The following STK32B variants were observed in gnomAD, a reference collection of about 807,000 sequenced individuals.
STK32B encodes serine/threonine-protein kinase 32B.
A neutral mutation model predicts 52.6 loss-of-function variants in STK32B; 43 were observed. That is an observed-to-expected ratio of 0.82 (90% confidence interval 0.64 to 1.05). The LOEUF (loss-of-function observed/expected upper bound fraction) is 1.05, where lower values mean the gene tolerates loss of function less well. Ranked by LOEUF, STK32B falls within the 50% of genes least tolerant of loss-of-function variation. STK32B has a pLI of 0.00. For missense variants in STK32B, 621 were observed against 534.6 expected (o/e 1.16, Z -1.59); for synonymous variants, 238 against 204.3 (o/e 1.17, Z -1.41).
At chr4:5,187,395 T>C (rs1258074990) in intron 3 of STK32B, among the ~76,000 whole-genome samples, 1 of 152,180 alleles carries the variant, frequency 6.6e-6, no homozygotes, top group African/African-American at 2.4e-5. Context: ...ACATGGCTCT[T>C]TGCATATTTT....
chr4:5,195,299 C>T (rs1721552767), intron 3 of STK32B, among the ~76,000 whole-genome samples: 1 of 152,150 alleles, frequency 6.6e-6, no homozygotes, highest in Admixed American at 6.5e-5. Flanking sequence ...GGAAATGAGA[C>T]ATTTATAAAA....
At chr4:5,448,542 T>C (rs1715682802) in intron 7 of STK32B, among the ~76,000 whole-genome samples, 1 of 152,250 alleles carries the variant, frequency 6.6e-6, no homozygotes, top group Admixed American at 6.5e-5. Context: ...TCATTCCTCA[T>C]GGGTCAGTGC....
intron 3 of STK32B, among the ~76,000 whole-genome samples, chr4:5,197,062 G>A (rs1407687216): frequency 6.6e-6 from 1 of 152,144 alleles, no homozygotes; most frequent in East Asian, 1.9e-4. Context: ...CAGGTCTTTG[G>A]GCCCAAGAGC....
intron 3 of STK32B, among the ~76,000 whole-genome samples, chr4:5,246,324 T>C (rs28847928): frequency 0.25 from 38,341 of 152,032 alleles, 5,843 homozygotes; most frequent in African/African-American, 0.42. Flanking sequence ...TCATGCATTT[T>C]GTCTTCCATA....
rs573829901 is a variant in STK32B at position 5,483,799 on chromosome 4, G to A, written c.1107-15146G>A. On this transcript the variant is annotated intron_variant, in intron 11 of 11. Coordinates refer to ENST00000282908, the MANE Select transcript of STK32B (RefSeq NM_018401.3). ...TCTGGTATGTTGTGTCTTTGTTCTC[G>A]TTGGTTTCAAAGAACATCTTTATTT... is the stretch of plus-strand genomic sequence containing the variant. 2.2e-3 allele frequency among the ~76,000 whole-genome samples: 331 copies of A among 152,004 alleles called. 2 individuals carry two copies. The highest frequency in any genetic ancestry group is 6.9e-3 in the African/African-American group (287 of 41,434).
At chr4:5,198,824 G>T (rs555252343) in intron 3 of STK32B, among the ~76,000 whole-genome samples, 35 of 152,274 alleles carry the variant, frequency 2.3e-4, no homozygotes, top group African/African-American at 7.2e-4. Context: ...GGTGGCACTG[G>T]TTGTGTGGCA....
intron 11 of STK32B, among the ~76,000 whole-genome samples, chr4:5,491,055 G>A (rs957616587): frequency 1.3e-5 from 2 of 152,214 alleles, no homozygotes; most frequent in African/African-American, 4.8e-5. Context: ...TGTCTTTATA[G>A]CAGCATGATT....
chr4:5,427,195 G>C (rs945795805), intron 6 of STK32B, among the ~76,000 whole-genome samples: 2 of 152,302 alleles, frequency 1.3e-5, no homozygotes, highest in African/African-American at 4.8e-5. Context: ...AAATACTGCT[G>C]ACTGACTTTG....
At chr4:5,273,843 G>T (rs1461763561) in intron 3 of STK32B, among the ~76,000 whole-genome samples, 1 of 125,816 alleles carries the variant, frequency 7.9e-6, no homozygotes, top group East Asian at 2.7e-4. Flanking sequence ...GGACTGTGGT[G>T]GGTGGGGGGA....
chr4:5,084,213 C>G (rs1436754296), intron 1 of STK32B, among the ~76,000 whole-genome samples: 1 of 152,210 alleles, frequency 6.6e-6, no homozygotes, highest in Non-Finnish European at 1.5e-5. Context: ...CCACAAACCT[C>G]TCTGTATCAT....
At chr4:5,488,616 C>G (rs1211281812) in intron 11 of STK32B, among the ~76,000 whole-genome samples, 1 of 152,112 alleles carries the variant, frequency 6.6e-6, no homozygotes, top group Non-Finnish European at 1.5e-5. Context: ...CATGACATGC[C>G]TTAAATATTC....
chr4:5,495,832 A>G lies in STK32B; in HGVS notation c.1107-3113A>G, dbSNP rs529828338. ...AGCTGCAGATCTGTTGGAGTTTGCT[A>G]GAGGTCCACTCCAGACCCTGTTTGC... On this transcript the variant is annotated intron_variant, in intron 11 of 11. Transcript: ENST00000282908. Among the ~76,000 whole-genome samples, 101 of 152,270 alleles carry G rather than the reference A, an allele frequency of 6.6e-4. 2 individuals are homozygous for G. Among genetic ancestry groups the G allele is most frequent in the African/African-American group, 2.4e-3 (99 of 41,560 alleles).
At chr4:5,492,020 C>G (rs371932867) in intron 11 of STK32B, among the ~76,000 whole-genome samples, 6 of 151,982 alleles carry the variant, frequency 3.9e-5, no homozygotes, top group Admixed American at 2.6e-4. Context: ...CGTGATGCCT[C>G]CAGCTTTGTT....
intron 5 of STK32B, among the ~76,000 whole-genome samples, chr4:5,413,102 T>G (rs1176517819): frequency 6.6e-6 from 1 of 152,168 alleles, no homozygotes; most frequent in African/African-American, 2.4e-5. Context: ...TCTTCAGATC[T>G]TTGCTCAAAT....
At chr4:5,205,411 C>T (rs571976301) in intron 3 of STK32B, among the ~76,000 whole-genome samples, 4 of 152,294 alleles carry the variant, frequency 2.6e-5, no homozygotes, top group African/African-American at 9.6e-5. Flanking sequence ...AGGACCCTAA[C>T]TAATACACCT....
intron 1 of STK32B, among the ~76,000 whole-genome samples, chr4:5,074,824 C>T (rs1300248176): frequency 6.6e-6 from 1 of 152,076 alleles, no homozygotes; most frequent in African/African-American, 2.4e-5. Flanking sequence ...TCATTTTGAT[C>T]TTCAGATATG....
chr4:5,444,111 A>C (rs948972264), intron 6 of STK32B, among the ~76,000 whole-genome samples: 2 of 152,144 alleles, frequency 1.3e-5, no homozygotes, highest in African/African-American at 4.8e-5. Flanking sequence ...GGCCTCCTTG[A>C]GCTGTGGTGG....
At chr4:5,068,573 C>T (rs1711559787) in intron 1 of STK32B, among the ~76,000 whole-genome samples, 1 of 152,070 alleles carries the variant, frequency 6.6e-6, no homozygotes, top group African/African-American at 2.4e-5. Flanking sequence ...TCACTTCTTT[C>T]TGTATAACTG....
At chr4:5,471,544 G>C (rs1050217187) in intron 11 of STK32B, among the ~76,000 whole-genome samples, 9 of 152,124 alleles carry the variant, frequency 5.9e-5, no homozygotes, top group African/African-American at 1.9e-4. Context: ...TAGAGCTATG[G>C]GGAATACATT....
Sources: allele counts gnomAD v4.1 joint callset (sites outside exome capture counted in the v4.1 genomes callset), GRCh38; gene constraint gnomAD v4.1.1; transcripts MANE v1.5; gene names NCBI Gene and HGNC (gene_info 2026-07-23, HGNC 2026-07-21).